Variants in SEMA3C observed in about 807,000 individuals in gnomAD.
SEMA3C encodes the protein semaphorin 3C.
A neutral mutation model predicts 89.4 loss-of-function variants in SEMA3C; 47 were observed. The observed-to-expected ratio is 0.53, with a 90% CI of 0.42 to 0.67. The LOEUF is 0.67. Ranked by LOEUF, SEMA3C falls within the 30% of genes least tolerant of loss-of-function variation. The probability of loss-of-function intolerance (pLI) is 0.00; values close to 1 mark genes in which losing one functional copy is unlikely to be tolerated. For synonymous variants in SEMA3C, 310 were observed against 320.2 expected (o/e 0.97, Z 0.34); for missense variants, 839 against 929.1 (o/e 0.90, Z 1.26).
At chr7:80,865,780 C>T (rs116589636) in intron 2 of SEMA3C, among the ~76,000 whole-genome samples, 1,925 of 151,920 alleles carry the variant, frequency 0.013, 38 homozygotes, top group African/African-American at 0.044. Flanking sequence ...GACAAAAGGG[C>T]GAGACTCCAT....
intron 2 of SEMA3C, among the ~76,000 whole-genome samples, chr7:80,883,563 G>A (rs1240025931): frequency 6.6e-6 from 1 of 152,194 alleles, no homozygotes; most frequent in African/African-American, 2.4e-5. Flanking sequence ...TCCCCAGTTG[G>A]ATTTTTGCAT....
At chr7:80,866,792 C>T (rs957774151) in intron 2 of SEMA3C, among the ~76,000 whole-genome samples, 1 of 152,168 alleles carries the variant, frequency 6.6e-6, no homozygotes, top group African/African-American at 2.4e-5. Flanking sequence ...TTTACAGGCA[C>T]TGCCATTTTG....
At chr7:80,828,810 A>G (rs1333062681) in intron 2 of SEMA3C, 65 bp from the exon 3 acceptor site, 2 of 1,215,990 alleles carry the variant, frequency 1.6e-6, no homozygotes, top group Non-Finnish European at 2.3e-6. Flanking sequence ...TTATTTTAAT[A>G]AAAACTATTA....
At chr7:80,840,376 A>C (rs1790234328) in intron 2 of SEMA3C, among the ~76,000 whole-genome samples, 2 of 151,906 alleles carry the variant, frequency 1.3e-5, no homozygotes, top group Middle Eastern at 3.4e-3. Flanking sequence ...AAAAATCTGC[A>C]GGCTTGGTGG....
intron 2 of SEMA3C, among the ~76,000 whole-genome samples, chr7:80,845,102 C>G (rs925325444): frequency 2.0e-5 from 3 of 152,106 alleles, no homozygotes; most frequent in Admixed American, 6.6e-5. Flanking sequence ...GACCTCTCCC[C>G]CTCCACTGTT....
At chr7:80,824,377 G>A (rs1789823386) in intron 4 of SEMA3C, among the ~76,000 whole-genome samples, 1 of 152,088 alleles carries the variant, frequency 6.6e-6, no homozygotes, top group Non-Finnish European at 1.5e-5. Flanking sequence ...ACAATCAGTT[G>A]GAACGAGTTC....
chr7:80,864,994 A>G (rs762169305), intron 2 of SEMA3C, among the ~76,000 whole-genome samples: 3 of 152,100 alleles, frequency 2.0e-5, no homozygotes, highest in Non-Finnish European at 4.4e-5. Flanking sequence ...TTATTACCCT[A>G]CATCACATAT....
chr7:80,758,339 A>G lies in SEMA3C; in HGVS notation c.1635T>C (p.Thr545=). The G allele has an allele frequency of 6.2e-7, 1 of 1,612,802 alleles. No individual in the cohort carries two copies. Among genetic ancestry groups the G allele is most frequent in the Non-Finnish European group, 8.5e-7 (1 of 1,179,490 alleles). The part of the protein sequence containing the change: ...DGHSCSRFYP[T]GKRRSRRQDV... The stretch of plus-strand genomic sequence containing the variant: ...GAGTGTTTAGTGCTCACCGTTTCCC[A>G]GTTGGGTAGAATCTGGAACAGGAAT... The change falls in exon 15 of 18, where the codon ACT becomes ACC. Residue 545 remains threonine (T), a synonymous_variant. Coordinates refer to ENST00000265361, the MANE Select transcript of SEMA3C (RefSeq NM_006379.5).
intron 2 of SEMA3C, among the ~76,000 whole-genome samples, chr7:80,877,529 T>C (rs544018145): frequency 2.3e-4 from 35 of 152,196 alleles, no homozygotes; most frequent in Non-Finnish European, 4.7e-4. Flanking sequence ...TACTCCCTCA[T>C]GTAGTCTCAT....
intron 12 of SEMA3C, among the ~76,000 whole-genome samples, chr7:80,786,714 C>T (rs561889217): frequency 8.5e-5 from 13 of 152,246 alleles, no homozygotes; most frequent in South Asian, 8.3e-4. Context: ...TCATATTACA[C>T]GAGTAACAAT....
intron 8 of SEMA3C, 106 bp from the exon 9 acceptor site, chr7:80,802,885 T>C: frequency 2.9e-6 from 2 of 691,388 alleles, no homozygotes; most frequent in Middle Eastern, 2.5e-4. Context: ...ATCTGAAGAA[T>C]GGATATGTTA....
chr7:80,910,774 G>C (rs147668790), intron 2 of SEMA3C, among the ~76,000 whole-genome samples: 350 of 148,406 alleles, frequency 2.4e-3, no homozygotes, highest in Non-Finnish European at 3.8e-3. Flanking sequence ...TTATATAAAA[G>C]ATGTTTATGA....
intron 11 of SEMA3C, 61 bp from the exon 12 acceptor site, chr7:80,789,589 C>A (rs943404174): frequency 2.5e-6 from 3 of 1,180,236 alleles, no homozygotes; most frequent in South Asian, 3.2e-5. Flanking sequence ...TAGTAATAAT[C>A]AAAAACTCTC....
chr7:80,755,451 C>T (rs938576599), intron 15 of SEMA3C, among the ~76,000 whole-genome samples: 1 of 150,280 alleles, frequency 6.7e-6, no homozygotes, highest in African/African-American at 2.5e-5. Context: ...TACAAAAATG[C>T]TTGTTGGTCA....
chr7:80,869,483 C>T (rs977221406), intron 2 of SEMA3C, among the ~76,000 whole-genome samples: 8 of 152,112 alleles, frequency 5.3e-5, no homozygotes, highest in Admixed American at 6.5e-5. Context: ...GTCTACCCAA[C>T]CCCATTTCCG....
intron 12 of SEMA3C, among the ~76,000 whole-genome samples, chr7:80,772,786 C>T (rs941384838): frequency 6.6e-6 from 1 of 151,436 alleles, no homozygotes; most frequent in Non-Finnish European, 1.5e-5. Context: ...AAATAGTGTA[C>T]TCAGTGCCTT....
At chr7:80,811,524 G>C (rs942336341) in intron 5 of SEMA3C, among the ~76,000 whole-genome samples, 1 of 151,654 alleles carries the variant, frequency 6.6e-6, no homozygotes, top group African/African-American at 2.4e-5. Flanking sequence ...CATAAAGTTA[G>C]TACAAGCCCC....
chr7:80,914,861 T>C (rs1210359519), intron 2 of SEMA3C, among the ~76,000 whole-genome samples: 1 of 152,218 alleles, frequency 6.6e-6, no homozygotes. Context: ...CTGTATAGCA[T>C]AGCTGTCACT....
intron 2 of SEMA3C, among the ~76,000 whole-genome samples, chr7:80,843,038 G>A (rs1790305676): frequency 6.6e-6 from 1 of 152,084 alleles, no homozygotes; most frequent in Non-Finnish European, 1.5e-5. Context: ...GAAATTAGAG[G>A]TTAGGAGGGG....
Sources: allele counts gnomAD v4.1 joint callset (sites outside exome capture counted in the v4.1 genomes callset), GRCh38; gene constraint gnomAD v4.1.1; transcripts MANE v1.5; gene names NCBI Gene and HGNC (gene_info 2026-07-23, HGNC 2026-07-21).